Variants in DNAH17 observed in about 807,000 individuals in gnomAD.
The protein encoded by DNAH17 is axonemal beta dynein heavy chain 17.
A neutral mutation model predicts 485.6 loss-of-function variants in DNAH17; 376 were observed. The ratio of observed to expected loss-of-function variants is 0.77; its 90% CI spans 0.71 to 0.84. DNAH17 has a LOEUF of 0.84. Among genes scored for constraint, DNAH17 ranks in the 40% least tolerant of loss-of-function variants. The pLI, the probability that DNAH17 is intolerant of heterozygous loss-of-function variation, is 0.00. For missense variants in DNAH17, 6,370 were observed against 5,839.3 expected, an observed-to-expected ratio of 1.09 and a Z score of -2.96; for synonymous variants, 3,031 against 2,405.9, an observed-to-expected ratio of 1.26 and a Z score of -7.60.
chr17:78,512,940 C>CAAAAAAAAAA (rs57734613), intron 26 of DNAH17, among the ~76,000 whole-genome samples: 2 of 83,304 alleles, frequency 2.4e-5, no homozygotes, highest in African/African-American at 1.0e-4. Context: ...GACTCTAACT[C>CAAAAAAAAAA]AAAAAAAAAA....
At chr17:78,490,929 G>C in intron 43 of DNAH17, 82 bp from the exon 44 acceptor site, 1 of 1,448,232 alleles carries the variant, frequency 6.9e-7, no homozygotes, top group Non-Finnish European at 9.2e-7. Flanking sequence ...GTTACTCGGA[G>C]CAAACCTCCG....
Position 78,494,728 on chromosome 17 carries a change from C to A in DNAH17, c.6135G>T (p.Gln2045His), listed in dbSNP as rs766769367. The change falls in exon 40 of 81, where the codon CAG (glutamine) becomes CAT (histidine). Residue 2045 changes from glutamine to histidine, a missense_variant. Physicochemically the swap from Gln to His is conservative, Grantham distance 24 (BLOSUM62 0). Transcript: ENST00000389840. ...KRGDPSRAED[Q>H]VLMRALRDFN... Reference sequence around the variant, plus strand: ...AGTCTCTCAGCGCCCGCATGAGCACCTGGTCCTCTGCCCGGCTGGGGTCGC... The same window carrying A: ...AGTCTCTCAGCGCCCGCATGAGCACATGGTCCTCTGCCCGGCTGGGGTCGC... 6.2e-7 allele frequency: 1 copy of A among 1,613,716 alleles called. No homozygotes were observed. The highest frequency in any genetic ancestry group is 2.2e-5 in the East Asian group (1 of 44,890).
intron 37 of DNAH17, among the ~76,000 whole-genome samples, chr17:78,496,484 C>A (rs147351948): frequency 1.3e-5 from 2 of 151,496 alleles, no homozygotes; most frequent in South Asian, 2.1e-4. Flanking sequence ...AGGGTGGGCG[C>A]GACACTGAGG....
intron 68 of DNAH17, 66 bp downstream of exon 68, chr17:78,450,167 ATGGCTGTGTGGGCAACAGGCC>A: frequency 6.6e-7 from 1 of 1,516,494 alleles, no homozygotes. Flanking sequence ...GCACTGCCCG[ATGGCTGTGTGGGCAACAGGCC>A]TGGCTGTGGA....
intron 49 of DNAH17, among the ~76,000 whole-genome samples, chr17:78,480,106 T>C (rs982495059): frequency 7.0e-6 from 1 of 143,794 alleles, no homozygotes; most frequent in Non-Finnish European, 1.5e-5. Flanking sequence ...CCCAGCACTT[T>C]GGGAGGCCGA....
chr17:78,481,448 C>T (rs2089347622), intron 48 of DNAH17, among the ~76,000 whole-genome samples: 1 of 152,152 alleles, frequency 6.6e-6, no homozygotes, highest in African/African-American at 2.4e-5. Context: ...TTCATGCTCT[C>T]CAGAGAAATT....
At chr17:78,531,057 T>C (rs921169311) in intron 20 of DNAH17, among the ~76,000 whole-genome samples, 1 of 152,218 alleles carries the variant, frequency 6.6e-6, no homozygotes, top group African/African-American at 2.4e-5. Context: ...TGTCTGTTGG[T>C]CCCTGTGATC....
Sources: gnomAD v4.1 joint callset for allele counts (sites outside exome capture counted in the v4.1 genomes callset) on GRCh38, gnomAD v4.1.1 for gene constraint, MANE v1.5 for transcripts, NCBI Gene and HGNC (gene_info 2026-07-23, HGNC 2026-07-21) for gene names.